ETV6: variants seen among roughly 807,000 people sequenced by gnomAD.
The protein encoded by ETV6 is transcription factor ETV6.
In ETV6, 16 loss-of-function variants were observed where a neutral mutation model predicts 51.1. The ratio of observed to expected loss-of-function variants is 0.31; its 90% CI spans 0.21 to 0.48. The LOEUF is 0.48. Among genes scored for constraint, ETV6 ranks in the 20% least tolerant of loss-of-function variants. The probability of loss-of-function intolerance (pLI) is 0.99; values close to 1 mark genes in which losing one functional copy is unlikely to be tolerated. For missense variants in ETV6, 458 were observed against 594.8 expected (o/e 0.77, Z 2.39); for synonymous variants, 240 against 224.1 (o/e 1.07, Z -0.64).
At chr12:11,683,739 C>T (rs1015833336) in intron 1 of ETV6, among the ~76,000 whole-genome samples, 3 of 152,104 alleles carry the variant, frequency 2.0e-5, no homozygotes, top group Non-Finnish European at 2.9e-5. Flanking sequence ...AGTTTGTTTT[C>T]CTGGAAATGT....
chr12:11,802,281 GCTCTCATC>G (rs1299848414), intron 2 of ETV6, among the ~76,000 whole-genome samples: 7 of 152,112 alleles, frequency 4.6e-5, no homozygotes, highest in Admixed American at 3.3e-4. Flanking sequence ...AAAAGCTATG[GCTCTCATC>G]AGCTGATCTT....
chr12:11,768,687 A>G (rs1028798661), intron 2 of ETV6, among the ~76,000 whole-genome samples: 10 of 152,214 alleles, frequency 6.6e-5, no homozygotes, highest in Non-Finnish European at 1.5e-4. Flanking sequence ...GTTGTGGAAA[A>G]TAATATACCT....
At chr12:11,863,658 G>A (rs1416436190) in intron 4 of ETV6, among the ~76,000 whole-genome samples, 1 of 152,174 alleles carries the variant, frequency 6.6e-6, no homozygotes, top group African/African-American at 2.4e-5. Flanking sequence ...TCTTGTTTTA[G>A]ACAGAAGACT....
intron 1 of ETV6, among the ~76,000 whole-genome samples, chr12:11,728,379 G>A (rs1004745688): frequency 2.0e-5 from 3 of 152,190 alleles, no homozygotes; most frequent in Admixed American, 6.5e-5. Flanking sequence ...GGTGAGTGGC[G>A]GGCAAGTGAG....
chr12:11,812,720 A>G (rs903510887), intron 2 of ETV6, among the ~76,000 whole-genome samples: 3 of 152,176 alleles, frequency 2.0e-5, no homozygotes, highest in African/African-American at 7.2e-5. Flanking sequence ...GACTGTAACA[A>G]AAGGCTTCTG....
At chr12:11,734,781 A>G (rs575975355) in intron 1 of ETV6, among the ~76,000 whole-genome samples, 8 of 137,278 alleles carry the variant, frequency 5.8e-5, no homozygotes, top group South Asian at 5.0e-4. Context: ...AGTAACTTCT[A>G]TGAAGTCACA....
At chr12:11,802,796 A>G (rs570576301) in intron 2 of ETV6, among the ~76,000 whole-genome samples, 33 of 152,298 alleles carry the variant, frequency 2.2e-4, no homozygotes, top group Admixed American at 4.6e-4. Flanking sequence ...AATGTCTCCA[A>G]TGTTGGGAAT....
intron 7 of ETV6, among the ~76,000 whole-genome samples, chr12:11,889,667 C>A (rs577093025): frequency 6.6e-6 from 1 of 152,212 alleles, no homozygotes; most frequent in South Asian, 2.1e-4. Context: ...ATGATTTATA[C>A]AAGAGCCAAG....
intron 2 of ETV6, among the ~76,000 whole-genome samples, chr12:11,760,908 G>GTGTA (rs375523984): frequency 2.0e-5 from 3 of 150,220 alleles, no homozygotes; most frequent in South Asian, 2.1e-4. Flanking sequence ...GTGTGTGTGT[G>GTGTA]TATATAAAAG....
intron 2 of ETV6, among the ~76,000 whole-genome samples, chr12:11,809,230 G>GA (rs1282304145): frequency 1.3e-5 from 2 of 150,306 alleles, no homozygotes; most frequent in African/African-American, 2.4e-5. Context: ...TGAAACAGAG[G>GA]AAAAAAAGGA....
At chr12:11,735,311 T>C (rs1384663902) in intron 1 of ETV6, among the ~76,000 whole-genome samples, 1 of 152,162 alleles carries the variant, frequency 6.6e-6, no homozygotes, top group Non-Finnish European at 1.5e-5. Flanking sequence ...CTTTGGCTTC[T>C]TGATGTCTCT....
At chr12:11,735,719 C>T (rs139775711) in intron 1 of ETV6, among the ~76,000 whole-genome samples, 1 of 152,174 alleles carries the variant, frequency 6.6e-6, no homozygotes, top group Non-Finnish European at 1.5e-5. Flanking sequence ...TCGTCTCAGC[C>T]TCTTGAGTAG....
At chr12:11,769,586 A>G (rs1212362700) in intron 2 of ETV6, among the ~76,000 whole-genome samples, 1 of 152,200 alleles carries the variant, frequency 6.6e-6, no homozygotes, top group African/African-American at 2.4e-5. Flanking sequence ...TCCTGCAGAG[A>G]AATTTAATCT....
At chr12:11,874,390 A>AG (rs1491323122) in intron 5 of ETV6, among the ~76,000 whole-genome samples, 1 of 129,468 alleles carries the variant, frequency 7.7e-6, no homozygotes, top group African/African-American at 2.8e-5. Context: ...AAAAAAAAAA[A>AG]TGTGTGTGTA....
chr12:11,857,972 A>G (rs1316185732), intron 4 of ETV6, among the ~76,000 whole-genome samples: 1 of 152,218 alleles, frequency 6.6e-6, no homozygotes, highest in Non-Finnish European at 1.5e-5. Context: ...TAAAATCTAG[A>G]AAATCATAGC....
At chr12:11,887,271 G>C (rs1281093033) in intron 7 of ETV6, among the ~76,000 whole-genome samples, 2 of 152,030 alleles carry the variant, frequency 1.3e-5, no homozygotes, top group Non-Finnish European at 2.9e-5. Context: ...AACTGATCCC[G>C]ACACACAACT....
intron 2 of ETV6, among the ~76,000 whole-genome samples, chr12:11,823,199 A>T (rs1463405534): frequency 2.0e-5 from 3 of 152,136 alleles, no homozygotes; most frequent in Non-Finnish European, 2.9e-5. Flanking sequence ...AAGGGCTTGC[A>T]TGGGGGAATC....
chr12:11,879,189 ACT>A (rs1309008480), intron 5 of ETV6, among the ~76,000 whole-genome samples: 1 of 152,154 alleles, frequency 6.6e-6, no homozygotes, highest in Non-Finnish European at 1.5e-5. Context: ...TAACAGGGAC[ACT>A]CAGCCTCTCT....
chr12:11,659,129 G>C (rs746467045), intron 1 of ETV6, among the ~76,000 whole-genome samples: 1 of 152,212 alleles, frequency 6.6e-6, no homozygotes, highest in Non-Finnish European at 1.5e-5. Flanking sequence ...ATGGCCCTTC[G>C]TGGAAGTTTA....
Sources: allele counts gnomAD v4.1 joint callset (sites outside exome capture counted in the v4.1 genomes callset), GRCh38; gene constraint gnomAD v4.1.1; transcripts MANE v1.5; gene names NCBI Gene and HGNC (gene_info 2026-07-23, HGNC 2026-07-21).